DNAI4: variants seen among roughly 807,000 people sequenced by gnomAD.
The protein encoded by DNAI4 is dynein axonemal intermediate chain 4, also known as WD repeat domain 78.
Under a neutral mutation model 105.8 loss-of-function variants are expected in DNAI4, and 85 were observed. That is an observed-to-expected ratio of 0.80 (90% CI 0.67 to 0.96). DNAI4 has a LOEUF of 0.96. Ranked by LOEUF, DNAI4 falls within the 40% of genes least tolerant of loss-of-function variation. The pLI is 0.00. For missense variants in DNAI4, 1,014 were observed against 1,005.6 expected, an observed-to-expected ratio of 1.01 and a Z score of -0.11; for synonymous variants, 352 against 331.5, an observed-to-expected ratio of 1.06 and a Z score of -0.67.
At chr1:66,822,937 T>C (rs947873251) in intron 15 of DNAI4, among the ~76,000 whole-genome samples, 1 of 152,094 alleles carries the variant, frequency 6.6e-6, no homozygotes, top group Admixed American at 6.6e-5. Context: ...TTTTAAGTTT[T>C]AGGGTACATG....
In DNAI4 at chr1:66,874,890, C is replaced by T. The variant is rs1444345665; in HGVS notation, c.691G>A (p.Asp231Asn). 9.9e-6 allele frequency: 16 copies of T among 1,612,412 alleles called. No homozygotes were observed. Among genetic ancestry groups the T allele is most frequent in the Non-Finnish European group, 1.3e-5 (15 of 1,179,488 alleles). ...AAPEKIVTKE[D>N]LEKNIEIILT... is the part of the protein sequence containing the mutation. ...ATTATCTCTATATTCTTCTCCAGGT[C>T]TTCTTTTGTTACAATTTTTTCAGGT... The change falls in exon 5 of 17, where the codon GAC becomes AAC. Residue 231 changes from aspartate to asparagine, a missense_variant. Transcript: ENST00000371026.
At chr1:66,902,075 T>C (rs1046712896) in intron 2 of DNAI4, among the ~76,000 whole-genome samples, 2 of 152,114 alleles carry the variant, frequency 1.3e-5, no homozygotes, top group African/African-American at 4.8e-5. Flanking sequence ...TCAAGCAATC[T>C]TCCTGCCTCA....
In DNAI4 at chr1:66,893,239, G is replaced by C; in HGVS notation, c.520C>G (p.Gln174Glu). 1 of 1,578,100 alleles carries C rather than the reference G, an allele frequency of 6.3e-7. No homozygotes were observed. Among genetic ancestry groups the C allele is most frequent in the Non-Finnish European group, 8.6e-7 (1 of 1,161,810 alleles). ...AATAGTATACTCTACCTTGTAAACTGCCCTAACGTACTAGGATTTATTGTA... is the reference window on the plus strand; with the variant it reads ...AATAGTATACTCTACCTTGTAAACTCCCCTAACGTACTAGGATTTATTGTA... Reference protein sequence around the residue: ...QNTINPSTLGQFTRSVLGSST... With the variant: ...QNTINPSTLGEFTRSVLGSST... The change falls in exon 3 of 17, where the codon CAG becomes GAG. Residue 174 changes from glutamine to glutamate, a missense_variant. Coordinates refer to ENST00000371026, the MANE Select transcript of DNAI4 (RefSeq NM_024763.5).
intron 15 of DNAI4, among the ~76,000 whole-genome samples, chr1:66,825,232 T>C (rs561899978): frequency 7.0e-6 from 1 of 142,740 alleles, no homozygotes; most frequent in African/African-American, 2.6e-5. Flanking sequence ...GACTGCGGAC[T>C]GCAGTGGCGC....
At chr1:66,845,524 T>G (rs1396963923) in intron 8 of DNAI4, among the ~76,000 whole-genome samples, 1 of 152,128 alleles carries the variant, frequency 6.6e-6, no homozygotes, top group African/African-American at 2.4e-5. Flanking sequence ...ACAAGAAAAA[T>G]TAAAATATCC....
rs1409438113 is a variant in DNAI4, at chr1:66,836,208, G to GAAAGAAAGAAAGAA, written c.1582-432_1582-431insTTCTTTCTTTCTTT. 3.6e-3 allele frequency among the ~76,000 whole-genome samples: 170 copies of GAAAGAAAGAAAGAA among 46,782 alleles called. 2 individuals carry two copies. Among genetic ancestry groups the GAAAGAAAGAAAGAA allele is most frequent in the Middle Eastern group, 0.014 (1 of 70 alleles). The allele number at this position is 46,782 out of a possible 152,430, so 30.7% of individuals were successfully genotyped here. A position where few individuals can be genotyped will look rare whatever the true frequency, so the allele number is the denominator to read the frequency against. ...AGAAAGAAAGAAAGAAAGAAAGAAA[G>GAAAGAAAGAAAGAA]AGAGAGAGAGAGAGAGAGAGAGAGA... is the stretch of plus-strand genomic sequence containing the variant. On this transcript the variant is annotated intron_variant, in intron 10 of 16. Transcript: ENST00000371026.
intron 5 of DNAI4, among the ~76,000 whole-genome samples, chr1:66,872,128 A>C (rs1004880526): frequency 6.6e-6 from 1 of 152,156 alleles, no homozygotes; most frequent in Non-Finnish European, 1.5e-5. Context: ...AATAATTAAG[A>C]GAGGTGTGTT....
chr1:66,922,297 C>A (rs1650546096), intron 1 of DNAI4, among the ~76,000 whole-genome samples: 1 of 143,998 alleles, frequency 6.9e-6, no homozygotes, highest in Non-Finnish European at 1.5e-5. Context: ...AGTATTATTA[C>A]TTTATATGGG....
rs564981642 is a variant in DNAI4 at position 66,905,622 on chromosome 1, G to A, written c.171-247C>T. Among the ~76,000 whole-genome samples, 281 of 152,182 alleles carry A rather than the reference G, an allele frequency of 1.8e-3. 1 individual carries two copies. The highest frequency in any genetic ancestry group is 3.4e-3 in the Middle Eastern group (1 of 294). On this transcript the variant is annotated intron_variant, in intron 1 of 16. Transcript: ENST00000371026. ...ATATTATTTTATATAAAGCCACAGA[G>A]GCTTTAAGGGGAAACATTCCTACAA...
chr1:66,836,006 G>C (rs1645979022), intron 10 of DNAI4, among the ~76,000 whole-genome samples: 1 of 151,518 alleles, frequency 6.6e-6, no homozygotes, highest in South Asian at 2.1e-4. Flanking sequence ...TTAAGAAATA[G>C]AGTGTTGGGC....
chr1:66,883,597 T>A (rs1414751881), intron 4 of DNAI4, among the ~76,000 whole-genome samples: 1 of 152,174 alleles, frequency 6.6e-6, no homozygotes, highest in Non-Finnish European at 1.5e-5. Flanking sequence ...TGAACTTTAT[T>A]CCTTTTTTAA....
chr1:66,915,680 C>A (rs1650011619), intron 1 of DNAI4, among the ~76,000 whole-genome samples: 1 of 151,646 alleles, frequency 6.6e-6, no homozygotes, highest in Non-Finnish European at 1.5e-5. Flanking sequence ...AAACGGTGAA[C>A]AAGTTTTGTC....
In DNAI4 at chr1:66,924,784, T is replaced by TG. The variant is rs776252304; in HGVS notation, c.47_48insC (p.Gly17ArgfsTer52). ...TGAAGTCCCTGTACCCCCAAGCTCC[T>TG]CCGTTAGCGGCTCGGGCCGAGGCTC... On this transcript the variant is annotated frameshift_variant, in exon 1 of 17. Transcript: ENST00000371026. LOFTEE classifies it high-confidence loss of function. The TG allele has an allele frequency of 4.3e-6, 7 of 1,614,044 alleles. No individual in the cohort carries two copies. Among genetic ancestry groups the TG allele is most frequent in the Non-Finnish European group, 4.2e-6 (5 of 1,180,026 alleles).
intron 10 of DNAI4, among the ~76,000 whole-genome samples, chr1:66,836,224 GAGAGAGAGAGAAAGAAAGAA>G (rs1646001664): frequency 7.8e-6 from 1 of 128,488 alleles, no homozygotes; most frequent in African/African-American, 3.0e-5. Flanking sequence ...GAGAGAGAGA[GAGAGAGAGAGAAAGAAAGAA>G]AGAGAGAGAG....
At chr1:66,914,563 TTCTC>T (rs1218210319) in intron 1 of DNAI4, among the ~76,000 whole-genome samples, 2 of 152,206 alleles carry the variant, frequency 1.3e-5, no homozygotes, top group Non-Finnish European at 2.9e-5. Flanking sequence ...ATAAAACTTT[TTCTC>T]TCCGCATCTT....
chr1:66,815,824 G>C (rs143142157), intron 16 of DNAI4, among the ~76,000 whole-genome samples: 2 of 152,334 alleles, frequency 1.3e-5, no homozygotes, highest in East Asian at 3.9e-4. Context: ...ACATCATAAA[G>C]TTACAATTGG....
At chr1:66,838,660 T>C (rs778195159) in intron 9 of DNAI4, among the ~76,000 whole-genome samples, 2 of 152,204 alleles carry the variant, frequency 1.3e-5, no homozygotes, top group Non-Finnish European at 2.9e-5. Flanking sequence ...TATATTTTCT[T>C]ATCACCACCT....
At chr1:66,900,676 A>G (rs897074426) in intron 2 of DNAI4, among the ~76,000 whole-genome samples, 3 of 152,214 alleles carry the variant, frequency 2.0e-5, no homozygotes, top group Non-Finnish European at 4.4e-5. Flanking sequence ...TGTGAAATAA[A>G]TCATTCTTAA....
chr1:66,867,976 A>G (rs1646767380), intron 6 of DNAI4, among the ~76,000 whole-genome samples: 1 of 152,212 alleles, frequency 6.6e-6, no homozygotes, highest in African/African-American at 2.4e-5. Flanking sequence ...AAGAAGATCC[A>G]TACCATTCCT....
Sources: gnomAD v4.1 joint callset for allele counts (sites outside exome capture counted in the v4.1 genomes callset) on GRCh38, gnomAD v4.1.1 for gene constraint, MANE v1.5 for transcripts, NCBI Gene and HGNC (gene_info 2026-07-23, HGNC 2026-07-21) for gene names.